ERBIN: variants seen among roughly 807,000 people sequenced by gnomAD.
The protein encoded by ERBIN is densin-180-like protein.
Under a neutral mutation model 158.4 loss-of-function variants are expected in ERBIN, and 60 were observed. The ratio of observed to expected loss-of-function variants is 0.38; its 90% CI spans 0.31 to 0.47. ERBIN has a LOEUF of 0.47. Ranked by LOEUF, ERBIN falls within the 20% of genes least tolerant of loss-of-function variation. The pLI is 0.99. For synonymous variants in ERBIN, 594 were observed against 557.2 expected (o/e 1.07, Z -0.93); for missense variants, 1,610 against 1,648.0 (o/e 0.98, Z 0.40).
Position 66,068,898 on chromosome 5 carries a change from A to T in ERBIN, c.3634-3271A>T, listed in dbSNP as rs547628959. The T allele has an allele frequency of 8.3e-4, 1,277 of 1,535,402 alleles. 5 individuals are homozygous for T. The highest frequency in any genetic ancestry group is 3.9e-3 in the South Asian group (327 of 83,854). On this transcript the variant is annotated intron_variant, in intron 21 of 25. Transcript: ENST00000284037. Reference sequence around the variant, plus strand: ...TCAGAGCATGCTGTCAAGGTCCTTTAATTCCAATTTTACTACTGTAAGCAG... The same window carrying T: ...TCAGAGCATGCTGTCAAGGTCCTTTTATTCCAATTTTACTACTGTAAGCAG...
At chr5:65,960,691 A>G (rs1042788680) in intron 1 of ERBIN, among the ~76,000 whole-genome samples, 1 of 152,188 alleles carries the variant, frequency 6.6e-6, no homozygotes, top group East Asian at 1.9e-4. Context: ...TAAGAGAGGC[A>G]TTGCTATCCT....
chr5:66,019,134 T>C (rs889771738), intron 7 of ERBIN, among the ~76,000 whole-genome samples: 4 of 152,190 alleles, frequency 2.6e-5, no homozygotes, highest in African/African-American at 9.6e-5. Flanking sequence ...ACATGTTGTC[T>C]GTGAACAAGA....
intron 1 of ERBIN, 30 bp downstream of exon 1, chr5:65,926,836 A>G (rs1454388844): frequency 6.6e-6 from 1 of 152,144 alleles, no homozygotes; most frequent in Non-Finnish European, 1.5e-5. Flanking sequence ...TCTCTGAGTC[A>G]CAAAGTTCAT....
In ERBIN at chr5:66,082,344, T is replaced by A. The variant is rs1762419788; in HGVS notation, c.*3814T>A. The A allele has an allele frequency of 6.6e-6, 1 of 152,218 alleles. No individual in the cohort carries two copies. The highest frequency in any genetic ancestry group is 1.9e-4 in the East Asian group (1 of 5,202). The allele number at this position is 152,218 out of a possible 1,614,324, so 9.4% of individuals were successfully genotyped here. ...GAGAGGCTGACAAAAAGAATCCTTC[T>A]GTTACAACTTTCTTTTCTAATGTAA... On this transcript the variant is annotated 3_prime_UTR_variant, in exon 26 of 26. Coordinates refer to ENST00000284037, the MANE Select transcript of ERBIN (RefSeq NM_001253697.2).
chr5:65,963,353 C>T (rs1243328112), intron 1 of ERBIN, among the ~76,000 whole-genome samples: 1 of 152,180 alleles, frequency 6.6e-6, no homozygotes, highest in African/African-American at 2.4e-5. Flanking sequence ...ATCACTCTGT[C>T]AACTATATCT....
intron 1 of ERBIN, among the ~76,000 whole-genome samples, chr5:65,964,416 C>T (rs949784132): frequency 5.3e-5 from 8 of 152,194 alleles, no homozygotes; most frequent in African/African-American, 1.9e-4. Context: ...CATACCTTGA[C>T]TGTGTCCCAG....
At chr5:66,059,399 CTT>C (rs1345833728) in intron 21 of ERBIN, among the ~76,000 whole-genome samples, 2 of 152,160 alleles carry the variant, frequency 1.3e-5, no homozygotes, top group Non-Finnish European at 2.9e-5. Flanking sequence ...TATCCTGAGA[CTT>C]TGCTGAAGTT....
chr5:65,997,686 T>G (rs1284970311), intron 4 of ERBIN, among the ~76,000 whole-genome samples: 4 of 152,192 alleles, frequency 2.6e-5, no homozygotes, highest in Non-Finnish European at 4.4e-5. Context: ...AAAAACTTTA[T>G]AAACAAGTCC....
At chr5:65,950,390 A>G (rs1746356757) in intron 1 of ERBIN, among the ~76,000 whole-genome samples, 1 of 152,044 alleles carries the variant, frequency 6.6e-6, no homozygotes, top group South Asian at 2.1e-4. Context: ...ATTTTGTAGA[A>G]TGTTTCTAAG....
At chr5:66,025,612 A>G in intron 11 of ERBIN, 60 bp downstream of exon 11, 1 of 1,273,770 alleles carries the variant, frequency 7.9e-7, no homozygotes. Context: ...AGCATGCCAT[A>G]CATATTTTCA....
chr5:66,013,564 T>A lies in ERBIN; in HGVS notation c.402T>A (p.Phe134Leu). 1 of 1,611,572 alleles carries A rather than the reference T, an allele frequency of 6.2e-7. No individual in the cohort carries two copies. Among genetic ancestry groups the A allele is most frequent in the Non-Finnish European group, 8.5e-7 (1 of 1,177,956 alleles). The stretch of plus-strand genomic sequence containing the variant: ...TTTTATGTAGGCTCCCTGATGGATT[T>A]TCTCAGCTGTTAAACCTAACCCAGT... ...VNPISKLPDGFSQLLNLTQLY... is the reference protein window; with the variant it reads ...VNPISKLPDGLSQLLNLTQLY... Residue 134 changes from phenylalanine to leucine, a missense_variant, in exon 6 of 26, where the codon TTT becomes TTA. By Grantham distance (22) the Phe-to-Leu change is conservative (BLOSUM62 0). Transcript: ENST00000284037.
In ERBIN at chr5:66,048,717, A is replaced by T; in HGVS notation, c.1839A>T (p.Arg613=). The change falls in exon 19 of 26, where the codon CGA becomes CGT. Residue 613 remains arginine, a synonymous_variant. Transcript: ENST00000284037. ...SDEEMKMAEM[R]PPLIETSINQ... ...AAGAGATGAAAATGGCGGAGATGCG[A>T]CCACCATTAATTGAAACCTCTATTA... The T allele has an allele frequency of 6.2e-7, 1 of 1,609,018 alleles. No individual in the cohort carries two copies. Among genetic ancestry groups the T allele is most frequent in the Non-Finnish European group, 8.5e-7 (1 of 1,177,584 alleles).
intron 21 of ERBIN, among the ~76,000 whole-genome samples, chr5:66,066,997 A>C (rs1761062092): frequency 6.6e-6 from 1 of 152,220 alleles, no homozygotes; most frequent in Non-Finnish European, 1.5e-5. Flanking sequence ...AGATCTGTCT[A>C]AAGGGTTAAT....
chr5:66,054,419 A>G lies in ERBIN; in HGVS notation c.3101A>G (p.Asn1034Ser), dbSNP rs1561433416. ...GCCAATATGAATTTCTCTAATCATA[A>G]CAATGTTCGAGCTAATACTGCATAC... ...HSANMNFSNH[N>S]NVRANTAYHL... is the part of the protein sequence containing the mutation. Residue 1034 changes from asparagine to serine, a missense_variant, in exon 21 of 26, where the codon AAC becomes AGC. Physicochemically the swap from Asn to Ser is conservative, Grantham distance 46. Transcript: ENST00000284037. 1.2e-6 allele frequency: 2 copies of G among 1,614,196 alleles called. No homozygotes were observed. Among genetic ancestry groups the G allele is most frequent in the African/African-American group, 1.3e-5 (1 of 75,066 alleles).
At chr5:65,987,836 C>G (rs145048187) in intron 1 of ERBIN, among the ~76,000 whole-genome samples, 2 of 139,542 alleles carry the variant, frequency 1.4e-5, no homozygotes, top group Admixed American at 7.1e-5. Flanking sequence ...CAGAGTGATA[C>G]GTCTCCAAAA....
At chr5:65,948,924 C>G (rs866553526) in intron 1 of ERBIN, among the ~76,000 whole-genome samples, 1 of 151,814 alleles carries the variant, frequency 6.6e-6, no homozygotes, top group African/African-American at 2.4e-5. Flanking sequence ...CCACCATGTC[C>G]GGCTAATTTT....
chr5:65,938,553 T>C (rs927120249), intron 1 of ERBIN, among the ~76,000 whole-genome samples: 2 of 140,012 alleles, frequency 1.4e-5, no homozygotes, highest in Non-Finnish European at 2.9e-5. Flanking sequence ...GGGCTGATTC[T>C]GTTTTGTTTT....
intron 21 of ERBIN, among the ~76,000 whole-genome samples, chr5:66,058,659 A>G (rs1377252052): frequency 6.7e-6 from 1 of 149,410 alleles, no homozygotes; most frequent in Non-Finnish European, 1.5e-5. Flanking sequence ...TAGGGTTTTT[A>G]TGGTTTTAGG....
chr5:65,986,632 T>C (rs1484575729), intron 1 of ERBIN, among the ~76,000 whole-genome samples: 3 of 152,254 alleles, frequency 2.0e-5, no homozygotes, highest in African/African-American at 7.2e-5. Flanking sequence ...TATGTACTTT[T>C]TATTAAGAGT....
Sources: allele counts gnomAD v4.1 joint callset (sites outside exome capture counted in the v4.1 genomes callset), GRCh38; gene constraint gnomAD v4.1.1; transcripts MANE v1.5; gene names NCBI Gene and HGNC (gene_info 2026-07-23, HGNC 2026-07-21).